CEP128: variants seen among roughly 807,000 people sequenced by gnomAD.
The protein encoded by CEP128 is centrosomal protein 128.
Under a neutral mutation model 156.7 loss-of-function variants are expected in CEP128, and 132 were observed. The ratio of observed to expected loss-of-function variants is 0.84; its 90% CI spans 0.73 to 0.97. The LOEUF is 0.97. Among genes scored for constraint, CEP128 ranks in the 50% least tolerant of loss-of-function variants. The pLI is 0.00. For synonymous variants in CEP128, 469 were observed against 448.9 expected (o/e 1.04, Z -0.57); for missense variants, 1,252 against 1,281.9 (o/e 0.98, Z 0.36).
downstream of CEP128, among the ~76,000 whole-genome samples, chr14:80,493,541 G>C (rs148285062): frequency 1.6e-4 from 25 of 152,276 alleles, no homozygotes; most frequent in South Asian, 4.6e-3. Context: ...ACCCACGTTA[G>C]AATACAGCTA....
intron 6 of CEP128, among the ~76,000 whole-genome samples, chr14:80,491,154 T>A (rs946443335): frequency 6.6e-6 from 1 of 152,162 alleles, no homozygotes; most frequent in East Asian, 1.9e-4. Context: ...AATTAAGAAA[T>A]GAGCAATGAC....
chr14:80,954,042 G>A (rs1886534131), intron 2 of CEP128, among the ~76,000 whole-genome samples: 1 of 152,144 alleles, frequency 6.6e-6, no homozygotes, highest in African/African-American at 2.4e-5. Flanking sequence ...GGCCGAGGCG[G>A]GCGGATCACG....
intron 19 of CEP128, among the ~76,000 whole-genome samples, chr14:80,715,230 A>T (rs1464646955): frequency 6.6e-6 from 1 of 152,084 alleles, no homozygotes; most frequent in Non-Finnish European, 1.5e-5. Context: ...CTCAGAAAAA[A>T]AAAAGGAATT....
chr14:80,939,801 G>T (rs1393730913), intron 1 of CEP128, among the ~76,000 whole-genome samples: 1 of 152,142 alleles, frequency 6.6e-6, no homozygotes, highest in African/African-American at 2.4e-5. Flanking sequence ...GCTCCAGTGT[G>T]AACCGCAGCC....
chr14:80,478,766 A>G (rs576112538), intron 14 of CEP128, among the ~76,000 whole-genome samples: 2 of 152,246 alleles, frequency 1.3e-5, no homozygotes, highest in South Asian at 4.1e-4. Flanking sequence ...TCTCTGATAC[A>G]TAGGTAGATT....
At chr14:80,729,226 T>C (rs1049218529) in intron 19 of CEP128, among the ~76,000 whole-genome samples, 4 of 151,396 alleles carry the variant, frequency 2.6e-5, no homozygotes, top group African/African-American at 9.7e-5. Context: ...TGTGTCCTCA[T>C]AGTTTGGCTC....
At chr14:80,749,187 T>A (rs978746859) in intron 18 of CEP128, among the ~76,000 whole-genome samples, 3 of 152,138 alleles carry the variant, frequency 2.0e-5, no homozygotes, top group African/African-American at 7.2e-5. Context: ...AAAAAAAGAC[T>A]CTGCCTGGTA....
At chr14:80,776,966 T>C (rs914593340) in intron 16 of CEP128, among the ~76,000 whole-genome samples, 1 of 152,158 alleles carries the variant, frequency 6.6e-6, no homozygotes, top group African/African-American at 2.4e-5. Context: ...CACTCAATAA[T>C]TTTACACATC....
At chr14:80,676,447 T>G (rs1343330554) in intron 19 of CEP128, among the ~76,000 whole-genome samples, 1 of 150,974 alleles carries the variant, frequency 6.6e-6, no homozygotes, top group Non-Finnish European at 1.5e-5. Flanking sequence ...ATTTGTGATT[T>G]TTTTTAAAAA....
intron 15 of CEP128, among the ~76,000 whole-genome samples, chr14:80,781,267 G>A (rs1218811396): frequency 7.2e-5 from 11 of 152,022 alleles, no homozygotes; most frequent in Admixed American, 7.2e-4. Context: ...AACCATCCTG[G>A]CCAACATTGT....
chr14:80,876,622 G>C (rs1455770217), intron 8 of CEP128, among the ~76,000 whole-genome samples: 3 of 145,834 alleles, frequency 2.1e-5, no homozygotes, highest in Non-Finnish European at 4.5e-5. Context: ...GCATCAATAA[G>C]ACTAGTGTCT....
intron 8 of CEP128, among the ~76,000 whole-genome samples, chr14:80,879,882 C>T (rs1230521359): frequency 6.6e-6 from 1 of 152,110 alleles, no homozygotes; most frequent in Non-Finnish European, 1.5e-5. Context: ...ATTCTAATCA[C>T]GCTGTCAAAA....
Position 80,644,017 on chromosome 14 carries a change from A to C in CEP128, c.2807-63594T>G, listed in dbSNP as rs1367066581. ...CTCACATGAGAAAAGAGAGAGATTT[A>C]GACGCAAAGACACAGACATACAGAG... On this transcript the variant is annotated intron_variant, in intron 19 of 24. Coordinates refer to ENST00000555265, the MANE Select transcript of CEP128 (RefSeq NM_152446.5). Among the ~76,000 whole-genome samples, 10 of 152,322 alleles carry C rather than the reference A, an allele frequency of 6.6e-5. No individual in the cohort carries two copies. The East Asian group carries it at 1.5e-3, about 24-fold the overall frequency.
At chr14:80,910,387 T>C (rs1407989422) in intron 4 of CEP128, among the ~76,000 whole-genome samples, 1 of 152,062 alleles carries the variant, frequency 6.6e-6, no homozygotes, top group East Asian at 1.9e-4. Context: ...GGGGGCAGAG[T>C]TCTTATGAAT....
At chr14:80,558,777 T>G (rs558430513) in intron 21 of CEP128, among the ~76,000 whole-genome samples, 2 of 152,350 alleles carry the variant, frequency 1.3e-5, no homozygotes, top group African/African-American at 4.8e-5. Context: ...TCTATGAACT[T>G]GAAAAATTAT....
chr14:80,775,466 T>C (rs1316262577), intron 16 of CEP128, among the ~76,000 whole-genome samples: 1 of 152,212 alleles, frequency 6.6e-6, no homozygotes, highest in Non-Finnish European at 1.5e-5. Flanking sequence ...CTACATATAA[T>C]ATAAGCATGT....
At chr14:80,636,325 A>C (rs17110926) in intron 19 of CEP128, among the ~76,000 whole-genome samples, 17,625 of 152,260 alleles carry the variant, frequency 0.12, 1,395 homozygotes, top group East Asian at 0.34. Context: ...CTCACTCAAC[A>C]TCATAGTTCT....
At chr14:80,655,218 T>C (rs1895078201) in intron 19 of CEP128, among the ~76,000 whole-genome samples, 1 of 152,210 alleles carries the variant, frequency 6.6e-6, no homozygotes, top group South Asian at 2.1e-4. Context: ...AATTCAGGAA[T>C]AAAATATTAA....
chr14:80,850,292 C>T (rs1886825686), intron 9 of CEP128, among the ~76,000 whole-genome samples: 1 of 152,054 alleles, frequency 6.6e-6, no homozygotes, highest in African/African-American at 2.4e-5. Context: ...GTGCCAAGTA[C>T]ACTTTCAGAA....
Sources: gnomAD v4.1 joint callset for allele counts (sites outside exome capture counted in the v4.1 genomes callset) on GRCh38, gnomAD v4.1.1 for gene constraint, MANE v1.5 for transcripts, NCBI Gene and HGNC (gene_info 2026-07-23, HGNC 2026-07-21) for gene names.